OR4Q3: variants seen among roughly 807,000 people sequenced by gnomAD.
OR4Q3 encodes olfactory receptor 4Q3.
In OR4Q3, 17 loss-of-function variants were observed where a neutral mutation model predicts 18.8. The ratio of observed to expected loss-of-function variants is 0.91; its 90% CI spans 0.62 to 1.36. The LOEUF is 1.36. OR4Q3 is among the 40% of genes most tolerant of loss of function. The pLI is 0.00. For missense variants in OR4Q3, 378 were observed against 373.4 expected (o/e 1.01, Z -0.10); for synonymous variants, 158 against 145.8 (o/e 1.08, Z -0.60).
exon 2 of OR4Q3, chr14:19,748,302 A>G: frequency 6.2e-7 from 1 of 1,613,858 alleles, no homozygotes; most frequent in Non-Finnish European, 8.5e-7. Context: ...ACACTCAGAA[A>G]TACTGATATG....
chr14:19,746,377 G>A, intron 1 of OR4Q3, among the ~76,000 whole-genome samples: 2 of 151,968 alleles, frequency 1.3e-5, no homozygotes, highest in Admixed American at 1.3e-4. Context: ...GTGTAGAGCA[G>A]GGGAAAATGG....
At chr14:19,750,965 C>A, downstream of OR4Q3, among the ~76,000 whole-genome samples, 259 of 152,328 alleles carry the variant, frequency 1.7e-3, 1 homozygote, top group African/African-American at 6.0e-3. Flanking sequence ...AAGAGTACTG[C>A]GTGAGTTACA....
downstream of OR4Q3, among the ~76,000 whole-genome samples, chr14:19,749,708 A>G: frequency 1.3e-5 from 2 of 150,464 alleles, no homozygotes; most frequent in Non-Finnish European, 1.5e-5. Context: ...TCCCAATTAT[A>G]CAGATTGCTT....
downstream of OR4Q3, among the ~76,000 whole-genome samples, chr14:19,751,908 T>C: frequency 2.0e-5 from 3 of 152,254 alleles, no homozygotes; most frequent in Non-Finnish European, 4.4e-5. Context: ...TTTTGTTATT[T>C]CTTTTCTTCT....
downstream of OR4Q3, among the ~76,000 whole-genome samples, chr14:19,751,657 G>T: frequency 6.6e-6 from 1 of 152,038 alleles, no homozygotes; most frequent in Non-Finnish European, 1.5e-5. Context: ...GTTTCTTCCA[G>T]ATTTTCTAAT....
chr14:19,746,847 AGT>A, intron 1 of OR4Q3, among the ~76,000 whole-genome samples: 1 of 152,244 alleles, frequency 6.6e-6, no homozygotes. Context: ...TCTGCTATGC[AGT>A]AAGTATTGTG....
exon 2 of OR4Q3, chr14:19,748,500 A>G: frequency 7.0e-6 from 5 of 712,414 alleles, no homozygotes; most frequent in Admixed American, 3.0e-5. Context: ...ATTATAATGG[A>G]TCACTCTTGA....
At chr14:19,748,868 G>A in exon 2 of OR4Q3, 2 of 159,564 alleles carry the variant, frequency 1.3e-5, no homozygotes, top group Admixed American at 6.1e-5. Context: ...AACCACCTAT[G>A]TGTAGTATTT....
At chr14:19,746,169 A>G in intron 1 of OR4Q3, among the ~76,000 whole-genome samples, 2 of 152,100 alleles carry the variant, frequency 1.3e-5, no homozygotes, top group Non-Finnish European at 2.9e-5. Flanking sequence ...CCAGTGCAAC[A>G]TGGATTACAA....
At chr14:19,747,265 T>C in intron 1 of OR4Q3, 141 bp from the exon 2 acceptor site, 2 of 419,858 alleles carry the variant, frequency 4.8e-6, no homozygotes, top group Non-Finnish European at 4.1e-6. Flanking sequence ...TCTATCAATA[T>C]AAGAGTGTAC....
intron 1 of OR4Q3, among the ~76,000 whole-genome samples, chr14:19,745,963 G>A: frequency 6.6e-6 from 1 of 152,132 alleles, no homozygotes; most frequent in East Asian, 1.9e-4. Context: ...TGTGACAGAG[G>A]CATCCAAAGG....
exon 1 of OR4Q3, chr14:19,743,634 C>A (rs1450591620): frequency 6.6e-6 from 1 of 152,322 alleles, no homozygotes; most frequent in Non-Finnish European, 1.5e-5. Flanking sequence ...ATAAAATCTT[C>A]CTTCCTTGAA....
chr14:19,744,847 T>C lies in OR4Q3; in HGVS notation c.2+1176T>C. 5.9e-3 allele frequency among the ~76,000 whole-genome samples: 891 copies of C among 152,164 alleles called. 6 individuals are homozygous for C. Among genetic ancestry groups the C allele is most frequent in the African/African-American group, 0.02 (849 of 41,454 alleles). On this transcript the variant is annotated intron_variant, in intron 1 of 1. Coordinates refer to ENST00000642117, the Ensembl canonical transcript of OR4Q3. ...TTGGGGTGTAGACATTCCTTCATGT[T>C]GATGGGTGTATTGTTCTTTTCATTC...
At chr14:19,749,896 T>TTTC, downstream of OR4Q3, among the ~76,000 whole-genome samples, 55 of 13,752 alleles carry the variant, frequency 4.0e-3, no homozygotes, top group Middle Eastern at 0.062. Flanking sequence ...CTTTCTTTCT[T>TTTC]TCTTTCTTTC....
At chr14:19,749,628 A>AAAAAAAAAAAAAAAAAAAAT, downstream of OR4Q3, among the ~76,000 whole-genome samples, 1 of 148,904 alleles carries the variant, frequency 6.7e-6, no homozygotes, top group Non-Finnish European at 1.5e-5. Context: ...AAAAAAAAAA[A>AAAAAAAAAAAAAAAAAAAAT]AAAAAAGAAA....
At chr14:19,747,258 A>G in intron 1 of OR4Q3, 148 bp from the exon 2 acceptor site, 3 of 408,828 alleles carry the variant, frequency 7.3e-6, no homozygotes, top group Non-Finnish European at 1.3e-5. Flanking sequence ...TCCTCATTCT[A>G]TCAATATAAG....
chr14:19,749,847 CTTCTTTCTTTCTTTCTTTCTTTCT>C, downstream of OR4Q3, among the ~76,000 whole-genome samples: 2,289 of 113,878 alleles, frequency 0.02, 16 homozygotes, highest in African/African-American at 0.031. Flanking sequence ...ATACAGATTA[CTTCTTTCTTTCTTTCTTTCTTTCT>C]TTCTTTCTTT....
chr14:19,748,503 A>T, exon 2 of OR4Q3: 23 of 695,638 alleles, frequency 3.3e-5, no homozygotes, highest in Non-Finnish European at 4.0e-5. Context: ...ATAATGGATC[A>T]CTCTTGATTA....
exon 2 of OR4Q3, chr14:19,748,247 T>A: frequency 1.9e-6 from 3 of 1,613,914 alleles, no homozygotes; most frequent in Non-Finnish European, 2.5e-6. Context: ...GATATTCTCC[T>A]TGTTTTACAC....
Sources: gnomAD v4.1 joint callset for allele counts (sites outside exome capture counted in the v4.1 genomes callset) on GRCh38, gnomAD v4.1.1 for gene constraint, MANE v1.5 for transcripts, NCBI Gene and HGNC (gene_info 2026-07-23, HGNC 2026-07-21) for gene names.